The following SORCS2 variants were observed in gnomAD, a reference collection of about 807,000 sequenced individuals.
SORCS2 encodes sortilin related VPS10 domain containing receptor 2.
In SORCS2, 100 loss-of-function variants were observed where a neutral mutation model predicts 141.6. The ratio of observed to expected loss-of-function variants is 0.71; its 90% CI spans 0.60 to 0.83. The LOEUF (loss-of-function observed/expected upper bound fraction) is 0.83. Among genes scored for constraint, SORCS2 ranks in the 40% least tolerant of loss-of-function variants. The probability of loss-of-function intolerance (pLI) is 0.00; values close to 1 mark genes in which losing one functional copy is unlikely to be tolerated. For synonymous variants in SORCS2, 789 were observed against 676.9 expected (o/e 1.17, Z -2.57); for missense variants, 1,646 against 1,560.2 (o/e 1.05, Z -0.93).
At chr4:7,266,161 G>C (rs1291784867) in intron 1 of SORCS2, among the ~76,000 whole-genome samples, 21 of 152,140 alleles carry the variant, frequency 1.4e-4, no homozygotes, top group Admixed American at 1.4e-3. Flanking sequence ...CACGAGTTGG[G>C]TCCAGCTCAC....
At chr4:7,612,341 G>C (rs955623454) in intron 3 of SORCS2, among the ~76,000 whole-genome samples, 2 of 152,190 alleles carry the variant, frequency 1.3e-5, no homozygotes, top group Non-Finnish European at 2.9e-5. Context: ...TCTCCCAGTA[G>C]AGCTAGGACA....
chr4:7,728,730 C>A (rs1727397350), intron 22 of SORCS2, among the ~76,000 whole-genome samples: 1 of 152,260 alleles, frequency 6.6e-6, no homozygotes, highest in South Asian at 2.1e-4. Context: ...CAGGGACCAC[C>A]TGCTGTTTGC....
At chr4:7,275,491 G>A (rs1715446125) in intron 1 of SORCS2, among the ~76,000 whole-genome samples, 1 of 152,174 alleles carries the variant, frequency 6.6e-6, no homozygotes, top group Non-Finnish European at 1.5e-5. Context: ...AGACTGGACT[G>A]GGTAAAGGGG....
chr4:7,450,586 C>T (rs1459223631), intron 2 of SORCS2, among the ~76,000 whole-genome samples: 1 of 152,248 alleles, frequency 6.6e-6, no homozygotes, highest in Non-Finnish European at 1.5e-5. Flanking sequence ...TCCGTGCCTT[C>T]TCTCACACAC....
At chr4:7,501,015 G>A (rs573928889) in intron 2 of SORCS2, among the ~76,000 whole-genome samples, 25 of 152,330 alleles carry the variant, frequency 1.6e-4, no homozygotes, top group East Asian at 3.9e-4. Context: ...CCTCTGAGCC[G>A]CTACAGCTGT....
intron 2 of SORCS2, among the ~76,000 whole-genome samples, chr4:7,530,864 G>T (rs2109542758): frequency 6.6e-6 from 1 of 152,332 alleles, no homozygotes; most frequent in African/African-American, 2.4e-5. Context: ...CGAGTGGACA[G>T]CCCTGTCTCC....
chr4:7,287,655 T>C (rs1400172362), intron 1 of SORCS2, among the ~76,000 whole-genome samples: 2 of 152,230 alleles, frequency 1.3e-5, no homozygotes, highest in African/African-American at 4.8e-5. Flanking sequence ...TTGTGTCTTT[T>C]ATTTTAAAAG....
chr4:7,397,762 C>A (rs1399040490), intron 2 of SORCS2, among the ~76,000 whole-genome samples: 1 of 152,212 alleles, frequency 6.6e-6, no homozygotes, highest in Admixed American at 6.5e-5. Flanking sequence ...TTGGAGGCAA[C>A]ACTCCTGGAC....
chr4:7,456,108 C>A (rs1390011810), intron 2 of SORCS2, among the ~76,000 whole-genome samples: 1 of 152,168 alleles, frequency 6.6e-6, no homozygotes, highest in Non-Finnish European at 1.5e-5. Context: ...CTCTATGTGT[C>A]TGTTTCCTGA....
Position 7,682,824 on chromosome 4 carries a change from C to A in SORCS2, c.1423C>A (p.Arg475Ser). ...GACGCTTATAACCTACAACAAGGGCCGCGACTGGGATTACCTGAGGCCACC... is the reference window on the plus strand; with the variant it reads ...GACGCTTATAACCTACAACAAGGGCAGCGACTGGGATTACCTGAGGCCACC... ...VMTLITYNKG[R>S]DWDYLRPPSM... The change falls in exon 10 of 27, where the codon CGC becomes AGC. Residue 475 changes from arginine to serine, a missense_variant. Transcript: ENST00000507866. 6.2e-7 allele frequency: 1 copy of A among 1,612,952 alleles called. No individual in the cohort carries two copies.
chr4:7,488,923 C>T (rs1023607158), intron 2 of SORCS2, among the ~76,000 whole-genome samples: 1 of 152,238 alleles, frequency 6.6e-6, no homozygotes, highest in Admixed American at 6.5e-5. Flanking sequence ...TTGACAGGTC[C>T]GCACTTGCTT....
At chr4:7,531,106 C>T (rs764368274) in intron 2 of SORCS2, among the ~76,000 whole-genome samples, 9 of 152,178 alleles carry the variant, frequency 5.9e-5, no homozygotes, top group South Asian at 4.1e-4. Context: ...TGAAATCAGA[C>T]GGGCCAGTCA....
chr4:7,373,015 T>G (rs946553849), intron 1 of SORCS2, among the ~76,000 whole-genome samples: 5 of 151,268 alleles, frequency 3.3e-5, no homozygotes, highest in African/African-American at 1.2e-4. Context: ...TGTTTTTTTT[T>G]TTTTTTTCCC....
At chr4:7,730,431 C>G (rs1711571921) in intron 23 of SORCS2, among the ~76,000 whole-genome samples, 1 of 152,184 alleles carries the variant, frequency 6.6e-6, no homozygotes, top group East Asian at 1.9e-4. Context: ...CCAAGAGAAA[C>G]AAAAACATAC....
chr4:7,293,480 A>C (rs1032378107), intron 1 of SORCS2, among the ~76,000 whole-genome samples: 3 of 152,154 alleles, frequency 2.0e-5, no homozygotes, highest in Non-Finnish European at 4.4e-5. Flanking sequence ...AATGTCTCCA[A>C]TGATCCCTCT....
At chr4:7,478,414 C>T (rs1730431839) in intron 2 of SORCS2, among the ~76,000 whole-genome samples, 1 of 152,058 alleles carries the variant, frequency 6.6e-6, no homozygotes, top group East Asian at 1.9e-4. Context: ...TACCGCCACC[C>T]CCACCGTCCC....
At chr4:7,545,951 C>G (rs1387446791) in intron 3 of SORCS2, among the ~76,000 whole-genome samples, 2 of 152,200 alleles carry the variant, frequency 1.3e-5, no homozygotes, top group African/African-American at 4.8e-5. Flanking sequence ...GGCTGTCTTC[C>G]TAGTTTACAG....
intron 19 of SORCS2, among the ~76,000 whole-genome samples, chr4:7,724,163 A>ATAGTGG (rs1241076524): frequency 8.0e-6 from 1 of 124,344 alleles, no homozygotes; most frequent in Non-Finnish European, 1.7e-5. Flanking sequence ...GGTGGTGGTG[A>ATAGTGG]TGGTGGTGAT....
chr4:7,462,648 G>A (rs781502729), intron 2 of SORCS2, among the ~76,000 whole-genome samples: 2 of 151,884 alleles, frequency 1.3e-5, no homozygotes, highest in African/African-American at 2.4e-5. Context: ...TTCCAGGGAT[G>A]GAGCCTCTTG....
Sources: gnomAD v4.1 joint callset for allele counts (sites outside exome capture counted in the v4.1 genomes callset) on GRCh38, gnomAD v4.1.1 for gene constraint, MANE v1.5 for transcripts, NCBI Gene and HGNC (gene_info 2026-07-23, HGNC 2026-07-21) for gene names.